The following GTPBP2 variants were observed in gnomAD, a reference collection of about 807,000 sequenced individuals.
The protein encoded by GTPBP2 is GTP-binding protein 2.
A neutral mutation model predicts 63.0 loss-of-function variants in GTPBP2; 32 were observed. The observed-to-expected ratio is 0.51, with a 90% CI of 0.38 to 0.68. The LOEUF is 0.68. Among genes scored for constraint, GTPBP2 ranks in the 30% least tolerant of loss-of-function variants. The pLI, the probability that GTPBP2 is intolerant of heterozygous loss-of-function variation, is 0.00. For missense variants in GTPBP2, 492 were observed against 796.9 expected (o/e 0.62, Z 4.61); for synonymous variants, 310 against 322.6 (o/e 0.96, Z 0.42).
chr6:43,624,854 C>A lies in GTPBP2; in HGVS notation c.880+34G>T, dbSNP rs774560893. 1.9e-6 allele frequency: 3 copies of A among 1,607,722 alleles called. No individual in the cohort carries two copies. The highest frequency in any genetic ancestry group is 2.6e-6 in the Non-Finnish European group (3 of 1,174,886). Reference sequence around the variant, plus strand: ...CCCAGGGTAGGAGAGTCAGCACCCCCCTTCAGCCCTGTCCCTGCCCTAATG... The same window carrying A: ...CCCAGGGTAGGAGAGTCAGCACCCCACTTCAGCCCTGTCCCTGCCCTAATG... On this transcript the variant is annotated intron_variant, in intron 6 of 11. Coordinates refer to ENST00000307126, the MANE Select transcript of GTPBP2 (RefSeq NM_019096.5). The surrounding 1 kb of genome is among the most constrained non-coding windows in gnomAD (Gnocchi z 5.1).
rs994342786 is a variant in GTPBP2 at position 43,626,547 on chromosome 6, C to T, written c.214-137G>A. ...CATACCTGATCCCCCTCCAACAGAA[C>T]GAGGTACAGAGCCCTTAACCTGAAC... On this transcript the variant is annotated intron_variant, in intron 2 of 11. Transcript: ENST00000307126. The surrounding 1 kb of genome is among the most constrained non-coding windows in gnomAD (Gnocchi z 4.0). 8 of 662,226 alleles carry T rather than the reference C, an allele frequency of 1.2e-5. No individual in the cohort carries two copies. Among genetic ancestry groups the T allele is most frequent in the Non-Finnish European group, 1.8e-5 (7 of 383,714 alleles). The allele number at this position is 662,226 out of a possible 1,614,324, so 41.0% of individuals were successfully genotyped here.
chr6:43,623,905 C>A, intron 8 of GTPBP2, 28 bp downstream of exon 8: 1 of 1,613,378 alleles, frequency 6.2e-7, no homozygotes, highest in South Asian at 1.1e-5. Context: ...TGTTTCCCAG[C>A]CTATTAGATG....
upstream of GTPBP2, chr6:43,629,515 C>T (rs536671644): frequency 2.7e-4 from 167 of 615,400 alleles, no homozygotes; most frequent in African/African-American, 2.5e-3. Context: ...CCAGTCCTCG[C>T]GCTATGTTCT....
rs1769302135 is a variant in GTPBP2, at chr6:43,626,045, T to G, written c.398+181A>C. ...TTTAAAACAAATATACATATCTTAA[T>G]TCAAGGAGCAAAACAGCCTAGGTCC... On this transcript the variant is annotated intron_variant, in intron 3 of 11. Transcript: ENST00000307126. This position sits in a 1 kb window ranked among gnomAD's most constrained non-coding sequence, Gnocchi z 4.0. Among the ~76,000 whole-genome samples, 1 of 152,198 alleles carries G rather than the reference T, an allele frequency of 6.6e-6. No individual in the cohort carries two copies.
chr6:43,625,743 G>C lies in GTPBP2; in HGVS notation c.507+13C>G. 1 of 1,575,710 alleles carries C rather than the reference G, an allele frequency of 6.3e-7. No individual in the cohort carries two copies. The highest frequency in any genetic ancestry group is 8.7e-7 in the Non-Finnish European group (1 of 1,144,876). Reference sequence around the variant, plus strand: ...AGTGTGGACATGAGAGACAGGGATGGGTGTGTGCTCACCTGTTGGTTGTCA... The same window carrying C: ...AGTGTGGACATGAGAGACAGGGATGCGTGTGTGCTCACCTGTTGGTTGTCA... On this transcript the variant is annotated intron_variant, in intron 4 of 11. Transcript: ENST00000307126. This position sits in a 1 kb window ranked among gnomAD's most constrained non-coding sequence, Gnocchi z 5.1.
chr6:43,625,370 T>G lies in GTPBP2; in HGVS notation c.698A>C (p.Lys233Thr), dbSNP rs1488321336. The G allele has an allele frequency of 2.5e-6, 4 of 1,613,958 alleles. No individual in the cohort carries two copies. Among genetic ancestry groups the G allele is most frequent in the East Asian group, 4.5e-5 (2 of 44,872 alleles). The part of the protein sequence containing the change: ...ISFEILGFNS[K>T]GEVVNYSDSR... Reference sequence around the variant, plus strand: ...CCCATTGATCCCATGCACCTCTCCCTTGCTGTTAAAGCCCAGGATCTCGAA... The same window carrying G: ...CCCATTGATCCCATGCACCTCTCCCGTGCTGTTAAAGCCCAGGATCTCGAA... The change falls in exon 5 of 12, where the codon AAG (lysine) becomes ACG (threonine). Residue 233 changes from lysine to threonine, a missense_variant. Transcript: ENST00000307126. The surrounding 1 kb of genome is among the most constrained non-coding windows in gnomAD (Gnocchi z 5.1).
rs1561926147 is a variant in GTPBP2, at chr6:43,626,895, C to A, written c.213+27G>T. On this transcript the variant is annotated intron_variant, in intron 2 of 11. Transcript: ENST00000307126. This position sits in a 1 kb window ranked among gnomAD's most constrained non-coding sequence, Gnocchi z 4.0. ...CTGGCAAGGACAACCTACCCCAGCCCCTGCTTTTCCCCAGCCTAGGACTCA... is the reference window on the plus strand; with the variant it reads ...CTGGCAAGGACAACCTACCCCAGCCACTGCTTTTCCCCAGCCTAGGACTCA... 4 of 1,581,630 alleles carry A rather than the reference C, an allele frequency of 2.5e-6. No individual in the cohort carries two copies. The African/African-American group carries it at 5.4e-5, about 21-fold the overall frequency.
intron 1 of GTPBP2, chr6:43,627,424 C>CAGAG (rs1459155450): frequency 2.6e-6 from 2 of 762,608 alleles, no homozygotes; most frequent in African/African-American, 3.8e-5. Context: ...GGTTCTGGAT[C>CAGAG]AGAGCCAAAG....
upstream of GTPBP2, among the ~76,000 whole-genome samples, chr6:43,631,135 A>T (rs1215756010): frequency 6.6e-6 from 1 of 152,110 alleles, no homozygotes; most frequent in East Asian, 1.9e-4. Context: ...AAGCAGTGAG[A>T]GCAGAGAGAC....
At chr6:43,629,798 G>A (rs1180894760), upstream of GTPBP2, 4 of 1,561,646 alleles carry the variant, frequency 2.6e-6, no homozygotes, top group East Asian at 2.4e-5. Flanking sequence ...CAGGGCGGAG[G>A]CGGATGGTGA....
chr6:43,621,894 C>G (rs747589742), intron 11 of GTPBP2, 104 bp from the exon 12 acceptor site: 3 of 1,596,298 alleles, frequency 1.9e-6, no homozygotes, highest in South Asian at 1.1e-5. Context: ...GCTACCCACC[C>G]TAAGTGGGGT....
Position 43,625,277 on chromosome 6 carries a change from C to G in GTPBP2, c.705+86G>C. 7.6e-7 allele frequency: 1 copy of G among 1,321,930 alleles called. No homozygotes were observed. The highest frequency in any genetic ancestry group is 1.7e-5 in the Admixed American group (1 of 58,158). 81.9% of individuals were successfully genotyped at this position (1,321,930 alleles called of 1,614,324 possible). A position where few individuals can be genotyped will look rare whatever the true frequency, so the allele number is the denominator to read the frequency against. ...CATCTATACTATTTCAAAAAGTCTC[C>G]ACACTCTACCCCCATCCTATGTCCT... On this transcript the variant is annotated intron_variant, in intron 5 of 11. Coordinates refer to ENST00000307126, the MANE Select transcript of GTPBP2 (RefSeq NM_019096.5). The surrounding 1 kb of genome is among the most constrained non-coding windows in gnomAD (Gnocchi z 5.1).
rs1561925601 is a variant in GTPBP2, at chr6:43,626,209, G to A, written c.398+17C>T. ...CAAGTCAGGTAAAGGAGAACTGGTGGGGAAGGGGAAGCATACTTCTCTGCC... is the reference window on the plus strand; with the variant it reads ...CAAGTCAGGTAAAGGAGAACTGGTGAGGAAGGGGAAGCATACTTCTCTGCC... On this transcript the variant is annotated intron_variant, in intron 3 of 11. Coordinates refer to ENST00000307126, the MANE Select transcript of GTPBP2 (RefSeq NM_019096.5). The surrounding 1 kb of genome is among the most constrained non-coding windows in gnomAD (Gnocchi z 4.0). The A allele has an allele frequency of 6.2e-7, 1 of 1,609,692 alleles. No individual in the cohort carries two copies. The highest frequency in any genetic ancestry group is 8.5e-7 in the Non-Finnish European group (1 of 1,176,736).
rs201099934 is a variant in GTPBP2 at position 43,629,101 on chromosome 6, A to G, written c.62T>C (p.Val21Ala). The G allele has an allele frequency of 1.2e-4, 189 of 1,558,968 alleles. No individual in the cohort carries two copies. In the East Asian group the frequency reaches 3.8e-3, roughly 31 times the overall value. ...GCCRPGGGPA[V>A]GGTLKARGAG... ...CCCCCTAGCCTTGAGGGTTCCGCCC[A>G]CGGCCGGGCCCCCTCCGGGCCGGCA... Residue 21 changes from valine (V) to alanine (A), a missense_variant, in exon 1 of 12, where the codon GTG becomes GCG. Around this residue, in one of 2 missense-constraint regions of GTPBP2, gnomAD observed 92 missense variants for 86.1 expected, o/e 1.07. Coordinates refer to ENST00000307126, the MANE Select transcript of GTPBP2 (RefSeq NM_019096.5).
At chr6:43,629,870 C>T, upstream of GTPBP2, 1 of 1,394,802 alleles carries the variant, frequency 7.2e-7, no homozygotes, top group Non-Finnish European at 9.6e-7. Context: ...GTAGTCACTG[C>T]TTTATTACCA....
In GTPBP2 at chr6:43,622,290, A is replaced by C; in HGVS notation, c.1468-123T>G. Reference sequence around the variant, plus strand: ...CTTCCTCTACACAACTCTAAACACAAAGACCTCAAAAGACAATAATCAAAA... The same window carrying C: ...CTTCCTCTACACAACTCTAAACACACAGACCTCAAAAGACAATAATCAAAA... On this transcript the variant is annotated intron_variant, in intron 10 of 11. Transcript: ENST00000307126. This position sits in a 1 kb window ranked among gnomAD's most constrained non-coding sequence, Gnocchi z 5.4. 3 of 753,504 alleles carry C rather than the reference A, an allele frequency of 4.0e-6. No homozygotes were observed. The highest frequency in any genetic ancestry group is 2.7e-5 in the East Asian group (1 of 37,150). The allele number at this position is 753,504 out of a possible 1,614,324, so 46.7% of individuals were successfully genotyped here. A position where few individuals can be genotyped will look rare whatever the true frequency, so the allele number is the denominator to read the frequency against.
chr6:43,629,539 G>A (rs1350588835), upstream of GTPBP2: 1 of 641,282 alleles, frequency 1.6e-6, no homozygotes, highest in Non-Finnish European at 2.8e-6. Flanking sequence ...TCTAGGACTT[G>A]GGGGGAATTT....
chr6:43,622,133 G>C lies in GTPBP2; in HGVS notation c.1502C>G (p.Thr501Ser). The change falls in exon 11 of 12, where the codon ACC becomes AGC. Residue 501 changes from threonine (T) to serine (S), a missense_variant. Coordinates refer to ENST00000307126, the MANE Select transcript of GTPBP2 (RefSeq NM_019096.5). This position sits in a 1 kb window ranked among gnomAD's most constrained non-coding sequence, Gnocchi z 5.4. ...CTCTGCCTCAAACACCGAGCAGATG[G>C]TAGGATTCATCTCCGGGCTCACCAT... is the stretch of plus-strand genomic sequence containing the variant. Reference protein sequence around the residue: ...MVMVSPEMNPTICSVFEAEIV... With the variant: ...MVMVSPEMNPSICSVFEAEIV... 6.2e-7 allele frequency: 1 copy of C among 1,613,604 alleles called. No homozygotes were observed. Among genetic ancestry groups the C allele is most frequent in the Non-Finnish European group, 8.5e-7 (1 of 1,179,548 alleles).
chr6:43,622,186 C>G lies in GTPBP2; in HGVS notation c.1468-19G>C. ...CCATGCCCTGGGGAGGAACAGACCCCAGGCCCAGGAAGGGCAGCTCTAACA... is the reference window on the plus strand; with the variant it reads ...CCATGCCCTGGGGAGGAACAGACCCGAGGCCCAGGAAGGGCAGCTCTAACA... On this transcript the variant is annotated intron_variant, in intron 10 of 11. Coordinates refer to ENST00000307126, the MANE Select transcript of GTPBP2 (RefSeq NM_019096.5). This position sits in a 1 kb window ranked among gnomAD's most constrained non-coding sequence, Gnocchi z 5.4. 1 of 1,601,072 alleles carries G rather than the reference C, an allele frequency of 6.2e-7. No individual in the cohort carries two copies. The highest frequency in any genetic ancestry group is 1.7e-5 in the Admixed American group (1 of 59,766).
Sources: gnomAD v4.1 joint callset for allele counts (sites outside exome capture counted in the v4.1 genomes callset) on GRCh38, gnomAD v4.1.1 for gene constraint, gnomAD v4.1.1 regional missense constraint, Gnocchi (gnomAD v3.1) non-coding constraint, MANE v1.5 for transcripts, NCBI Gene and HGNC (gene_info 2026-07-23, HGNC 2026-07-21) for gene names.